The following MMAA variants were observed in gnomAD, a reference collection of about 807,000 sequenced individuals.
MMAA encodes metabolism of cobalamin associated A.
Under a neutral mutation model 45.0 loss-of-function variants are expected in MMAA, and 41 were observed. That is an observed-to-expected ratio of 0.91 (90% confidence interval 0.71 to 1.18). The LOEUF (loss-of-function observed/expected upper bound fraction) is 1.18, where lower values mean the gene tolerates loss of function less well. Among genes scored for constraint, MMAA ranks in the 50% most tolerant of loss-of-function variants. The pLI, the probability that MMAA is intolerant of heterozygous loss-of-function variation, is 0.00. For synonymous variants in MMAA, 154 were observed against 178.2 expected (o/e 0.86, Z 1.08); for missense variants, 460 against 495.7 (o/e 0.93, Z 0.68).
Position 145,655,281 on chromosome 4 carries a change from G to C in MMAA, c.1104G>C (p.Trp368Cys). 3 of 1,614,178 alleles carry C rather than the reference G, an allele frequency of 1.9e-6. No homozygotes were observed. Among genetic ancestry groups the C allele is most frequent in the Non-Finnish European group, 2.5e-6 (3 of 1,180,026 alleles). ...GGAAGCAACAGAAAGTTTGGATGTG[G>C]AATCTCATTCAGGAAAGTGTGTTAG... ...KRRKQQKVWM[W>C]NLIQESVLEH... The change falls in exon 7 of 7, where the codon TGG becomes TGC. Residue 368 changes from tryptophan (W) to cysteine (C), a missense_variant. By Grantham distance (215) the Trp-to-Cys change is radical. Coordinates refer to ENST00000649156, the MANE Select transcript of MMAA (RefSeq NM_172250.3).
chr4:145,623,484 A>G (rs1734129987), intron 1 of MMAA, among the ~76,000 whole-genome samples: 1 of 152,202 alleles, frequency 6.6e-6, no homozygotes, highest in African/African-American at 2.4e-5. Context: ...TAACATTTAC[A>G]GAAAGAAAGA....
chr4:145,649,316 G>A (rs1180043313), intron 4 of MMAA, among the ~76,000 whole-genome samples: 2 of 152,038 alleles, frequency 1.3e-5, no homozygotes, highest in Non-Finnish European at 2.9e-5. Flanking sequence ...ATACAAAGGA[G>A]CCTGAGGCAG....
chr4:145,630,290 A>G (rs1020403765), intron 1 of MMAA, among the ~76,000 whole-genome samples: 10 of 152,244 alleles, frequency 6.6e-5, no homozygotes, highest in Admixed American at 5.2e-4. Flanking sequence ...ATTGACATAT[A>G]CTTGCTCATA....
At position 145,639,487 on chromosome 4, in the gene MMAA, G is replaced by A. The variant is rs1193549231; in HGVS notation, c.348G>A (p.Lys116=). 1.2e-6 allele frequency: 2 copies of A among 1,613,976 alleles called. No individual in the cohort carries two copies. Among genetic ancestry groups the A allele is most frequent in the African/African-American group, 1.3e-5 (1 of 74,904 alleles). The change falls in exon 2 of 7, where the codon AAG becomes AAA. Residue 116 remains lysine, a synonymous_variant. Transcript: ENST00000649156. Reference sequence around the variant, plus strand: ...TAGAATCAACTCACAGCAGGAAAAAGGAGTTAGCCCAGGTGCTTCTTCAGA... The same window carrying A: ...TAGAATCAACTCACAGCAGGAAAAAAGAGTTAGCCCAGGTGCTTCTTCAGA... The part of the protein sequence containing the change: ...TLVESTHSRK[K]ELAQVLLQKV...
At chr4:145,639,641 TAAAA>T in intron 2 of MMAA, 63 bp downstream of exon 2, 1 of 1,542,816 alleles carries the variant, frequency 6.5e-7, no homozygotes, top group Non-Finnish European at 8.7e-7. Flanking sequence ...TTCTGTTTTT[TAAAA>T]AAAAGTCTAA....
At chr4:145,638,120 A>C (rs1578876533) in intron 1 of MMAA, among the ~76,000 whole-genome samples, 1 of 152,334 alleles carries the variant, frequency 6.6e-6, no homozygotes, top group South Asian at 2.1e-4. Context: ...CTGTAATCCC[A>C]GCACTTTGGG....
intron 4 of MMAA, chr4:145,650,858 A>T: frequency 1.7e-6 from 1 of 600,996 alleles, no homozygotes; most frequent in East Asian, 2.9e-5. Context: ...GGAGCGGGAG[A>T]GCTGGGAAGG....
chr4:145,659,602 C>T lies in MMAA; in HGVS notation c.*4168C>T, dbSNP rs757712219. ...ATCATGTGACCTCATTCTCAAAGCT[C>T]GTAACATCCACCTGGCCAATCTTAA... On this transcript the variant is annotated 3_prime_UTR_variant, in exon 7 of 7. Transcript: ENST00000649156. 3.3e-5 allele frequency: 5 copies of T among 152,086 alleles called. No homozygotes were observed. The highest frequency in any genetic ancestry group is 4.8e-5 in the African/African-American group (2 of 41,404). 9.4% of individuals were successfully genotyped at this position (152,086 alleles called of 1,614,324 possible).
chr4:145,639,949 A>G (rs1318660420), intron 2 of MMAA: 7 of 586,910 alleles, frequency 1.2e-5, no homozygotes, highest in South Asian at 1.5e-4. Context: ...CGTATCAACT[A>G]TAATTATCAC....
At chr4:145,642,563 G>T in intron 3 of MMAA, 78 bp downstream of exon 3, 1 of 1,589,694 alleles carries the variant, frequency 6.3e-7, no homozygotes, top group Admixed American at 1.7e-5. Flanking sequence ...TGGCACAGTT[G>T]GGTGACCTCT....
intron 1 of MMAA, among the ~76,000 whole-genome samples, chr4:145,626,700 G>GA (rs1213010819): frequency 6.6e-6 from 1 of 152,164 alleles, no homozygotes; most frequent in Non-Finnish European, 1.5e-5. Context: ...AGGCCTTGGT[G>GA]AATCAGCCTT....
In MMAA at chr4:145,638,464, A is replaced by G. The variant is rs1727685290; in HGVS notation, c.-65-611A>G. Among the ~76,000 whole-genome samples the G allele has an allele frequency of 2.0e-5, 3 of 152,218 alleles. No individual in the cohort carries two copies. The South Asian group carries it at 6.2e-4, about 32-fold the overall frequency. On this transcript the variant is annotated intron_variant, in intron 1 of 6. Transcript: ENST00000649156. ...AGTGGGGCTGGGAATGTGCATTTTA[A>G]ATAAGCACCCAGGTGGCTCTGACTA...
intron 1 of MMAA, chr4:145,624,493 T>A (rs553046141): frequency 1.0e-6 from 1 of 975,786 alleles, no homozygotes; most frequent in Admixed American, 2.1e-5. Context: ...CTTCCTTCTT[T>A]GTATGGGGGC....
At chr4:145,647,134 AAAGG>A (rs1727947473) in intron 4 of MMAA, among the ~76,000 whole-genome samples, 1 of 152,208 alleles carries the variant, frequency 6.6e-6, no homozygotes, top group African/African-American at 2.4e-5. Context: ...TGAACCAAGC[AAAGG>A]AAGTAGGAAT....
At chr4:145,623,007 A>G (rs1734120515) in intron 1 of MMAA, among the ~76,000 whole-genome samples, 1 of 152,228 alleles carries the variant, frequency 6.6e-6, no homozygotes, top group African/African-American at 2.4e-5. Flanking sequence ...AATATATCTT[A>G]GAGAATTTAA....
At chr4:145,636,558 A>G (rs185417903) in intron 1 of MMAA, among the ~76,000 whole-genome samples, 1 of 152,328 alleles carries the variant, frequency 6.6e-6, no homozygotes, top group Admixed American at 6.5e-5. Context: ...CTTCTGCCTT[A>G]CTGAATTTCT....
intron 2 of MMAA, among the ~76,000 whole-genome samples, 187 bp from the exon 3 acceptor site, chr4:145,642,176 A>G (rs1727805691): frequency 6.6e-6 from 1 of 152,192 alleles, no homozygotes; most frequent in Non-Finnish European, 1.5e-5. Flanking sequence ...TCCTTCCTAT[A>G]GCCCCATTAC....
chr4:145,647,996 A>ACAGG (rs1315379854), intron 4 of MMAA, among the ~76,000 whole-genome samples: 2 of 147,736 alleles, frequency 1.4e-5, no homozygotes, highest in Admixed American at 6.8e-5. Context: ...AGCTGGGACT[A>ACAGG]CAGGCGCCTG....
chr4:145,629,764 G>T (rs1163111333), intron 1 of MMAA, among the ~76,000 whole-genome samples: 3 of 152,190 alleles, frequency 2.0e-5, no homozygotes, highest in African/African-American at 7.2e-5. Context: ...GGCAGAAAGA[G>T]AACTTGTGCA....
Sources: gnomAD v4.1 joint callset for allele counts (sites outside exome capture counted in the v4.1 genomes callset) on GRCh38, gnomAD v4.1.1 for gene constraint, MANE v1.5 for transcripts, NCBI Gene and HGNC (gene_info 2026-07-23, HGNC 2026-07-21) for gene names.